The following ADGRL2 variants were observed in gnomAD, a reference collection of about 807,000 sequenced individuals.
ADGRL2 encodes adhesion G protein-coupled receptor L2.
In ADGRL2, 44 loss-of-function variants were observed where a neutral mutation model predicts 157.4. The ratio of observed to expected loss-of-function variants is 0.28; its 90% CI spans 0.22 to 0.36. The LOEUF is 0.36. Ranked by LOEUF, ADGRL2 falls within the 10% of genes least tolerant of loss-of-function variation. The probability of loss-of-function intolerance (pLI) is 1.00; values close to 1 mark genes in which losing one functional copy is unlikely to be tolerated. For missense variants in ADGRL2, 1,510 were observed against 1,768.9 expected (o/e 0.85, Z 2.63); for synonymous variants, 585 against 624.7 (o/e 0.94, Z 0.95).
In ADGRL2 at chr1:81,937,997, T is replaced by C. The variant is rs148614943; in HGVS notation, c.397+1160T>C. Among the ~76,000 whole-genome samples, 907 of 151,946 alleles carry C rather than the reference T, an allele frequency of 6.0e-3. 7 individuals carry two copies. The highest frequency in any genetic ancestry group is 0.021 in the African/African-American group (868 of 41,540). ...TTTGACAAATTGGCTTTTTGTGTTA[T>C]CAGTTAAAGGCCAAACACAGATTAT... is the stretch of plus-strand genomic sequence containing the variant. On this transcript the variant is annotated intron_variant, in intron 4 of 23. Coordinates refer to ENST00000686636, the MANE Select transcript of ADGRL2 (RefSeq NM_001366006.2).
intron 2 of ADGRL2, among the ~76,000 whole-genome samples, chr1:81,790,658 A>C (rs1324574000): frequency 2.0e-5 from 3 of 152,212 alleles, no homozygotes; most frequent in Non-Finnish European, 2.9e-5. Context: ...CATTATAGGA[A>C]TCTAACTCTC....
intron 2 of ADGRL2, among the ~76,000 whole-genome samples, chr1:81,766,120 AC>A (rs1036871612): frequency 1.3e-5 from 2 of 152,166 alleles, no homozygotes; most frequent in South Asian, 2.1e-4. Context: ...CAGCAAAAAA[AC>A]AATTGATGAG....
chr1:81,698,123 T>C (rs560875301), upstream of ADGRL2, among the ~76,000 whole-genome samples: 9 of 152,306 alleles, frequency 5.9e-5, no homozygotes, highest in East Asian at 7.7e-4. Context: ...AATAGTTGAA[T>C]AACTTTCATG....
At chr1:81,674,694 A>G (rs1032425010) in intron 3 of ADGRL2, among the ~76,000 whole-genome samples, 1 of 152,198 alleles carries the variant, frequency 6.6e-6, no homozygotes, top group Non-Finnish European at 1.5e-5. Context: ...AGTTTCTTAA[A>G]AGGAATTTTT....
chr1:81,580,850 C>T (rs1388381809), intron 2 of ADGRL2: 2 of 152,142 alleles, frequency 1.3e-5, no homozygotes, highest in Non-Finnish European at 2.9e-5. Context: ...TGTCATATAT[C>T]TGTTATTATT....
intron 1 of ADGRL2, among the ~76,000 whole-genome samples, chr1:81,731,417 C>T (rs1027813830): frequency 8.5e-5 from 13 of 152,102 alleles, no homozygotes; most frequent in Admixed American, 1.3e-4. Context: ...TGATTCAAAA[C>T]TGATTTCCTT....
At chr1:81,814,118 T>A (rs1434725117) in intron 1 of ADGRL2, among the ~76,000 whole-genome samples, 1 of 151,772 alleles carries the variant, frequency 6.6e-6, no homozygotes. Context: ...AGGAAATAGA[T>A]TGGTAACTGG....
In ADGRL2 at chr1:81,943,039, G is replaced by T. The variant is rs767851795; in HGVS notation, c.480G>T (p.Ala160=). The T allele has an allele frequency of 6.2e-7, 1 of 1,613,244 alleles. No individual in the cohort carries two copies. The highest frequency in any genetic ancestry group is 8.5e-7 in the Non-Finnish European group (1 of 1,179,454). ...SPCIYEAEQK[A]GAWCKDPLQA... ...GTATATATGAAGCTGAACAAAAGGC[G>T]GGTGCTTGGTGCAAGGACCCTCTTC... is the stretch of plus-strand genomic sequence containing the variant. The change falls in exon 6 of 24, where the codon GCG becomes GCT. Residue 160 remains alanine, a synonymous_variant. Transcript: ENST00000686636. The surrounding 1 kb of genome is among the most constrained non-coding windows in gnomAD (Gnocchi z 5.6).
At chr1:81,436,407 G>A (rs1045281638) in intron 1 of ADGRL2, among the ~76,000 whole-genome samples, 1 of 152,190 alleles carries the variant, frequency 6.6e-6, no homozygotes, top group Non-Finnish European at 1.5e-5. Flanking sequence ...AAGGTGGTTA[G>A]TAAATATTAG....
intron 2 of ADGRL2, among the ~76,000 whole-genome samples, chr1:81,524,989 A>T (rs1337876343): frequency 6.6e-6 from 1 of 152,216 alleles, no homozygotes; most frequent in African/African-American, 2.4e-5. Flanking sequence ...AAAGTTGTTT[A>T]TCTCCAGGGA....
At chr1:81,563,033 T>A (rs2080478739) in intron 2 of ADGRL2, among the ~76,000 whole-genome samples, 1 of 152,206 alleles carries the variant, frequency 6.6e-6, no homozygotes. Context: ...TGCCATATTG[T>A]GCCTGGTGCT....
At chr1:81,771,107 T>C (rs1571155225) in intron 2 of ADGRL2, among the ~76,000 whole-genome samples, 1 of 152,212 alleles carries the variant, frequency 6.6e-6, no homozygotes, top group Admixed American at 6.5e-5. Flanking sequence ...ATGATGATTA[T>C]GGAAAACTTT....
intron 1 of ADGRL2, among the ~76,000 whole-genome samples, chr1:81,831,154 T>G (rs1285701181): frequency 6.6e-6 from 1 of 152,288 alleles, no homozygotes; most frequent in Non-Finnish European, 1.5e-5. Flanking sequence ...TCCATGACTA[T>G]TAAAGATACA....
At chr1:81,633,016 A>G (rs2082044077) in intron 3 of ADGRL2, among the ~76,000 whole-genome samples, 1 of 152,110 alleles carries the variant, frequency 6.6e-6, no homozygotes, top group Non-Finnish European at 1.5e-5. Flanking sequence ...CCTGATTGTG[A>G]ATGTTTTAGG....
At chr1:81,391,178 G>A (rs553957481) in intron 1 of ADGRL2, among the ~76,000 whole-genome samples, 1 of 152,422 alleles carries the variant, frequency 6.6e-6, no homozygotes, top group South Asian at 2.1e-4. Context: ...TTGATTCATT[G>A]ATGCAGCAAA....
chr1:81,409,271 C>G (rs2076909690), intron 1 of ADGRL2, among the ~76,000 whole-genome samples: 1 of 126,380 alleles, frequency 7.9e-6, no homozygotes, highest in African/African-American at 3.1e-5. Flanking sequence ...GAGACACCTC[C>G]TACCTCTGGA....
chr1:81,873,242 A>G (rs1418253), intron 2 of ADGRL2, among the ~76,000 whole-genome samples: 11,670 of 152,020 alleles, frequency 0.077, 535 homozygotes, highest in South Asian at 0.16. Flanking sequence ...TCTGTCCTGT[A>G]CTCTTAATAG....
At chr1:81,814,930 C>T (rs950560958) in intron 1 of ADGRL2, among the ~76,000 whole-genome samples, 4 of 151,586 alleles carry the variant, frequency 2.6e-5, no homozygotes, top group East Asian at 3.9e-4. Flanking sequence ...AATTTAAACA[C>T]AGTAGCATTA....
intron 4 of ADGRL2, 77 bp from the exon 5 acceptor site, chr1:81,941,957 A>T: frequency 1.4e-6 from 1 of 700,058 alleles, no homozygotes; most frequent in East Asian, 2.6e-5. Flanking sequence ...TCTTAGACTA[A>T]TAGTCAATTT....
Sources: gnomAD v4.1 joint callset for allele counts (sites outside exome capture counted in the v4.1 genomes callset) on GRCh38, gnomAD v4.1.1 for gene constraint, Gnocchi (gnomAD v3.1) non-coding constraint, MANE v1.5 for transcripts, NCBI Gene and HGNC (gene_info 2026-07-23, HGNC 2026-07-21) for gene names.